The following PDE4B variants were observed in gnomAD, a reference collection of about 807,000 sequenced individuals.
PDE4B encodes phosphodiesterase 4B, also known as 3',5'-cyclic-AMP phosphodiesterase 4B.
A neutral mutation model predicts 82.2 loss-of-function variants in PDE4B; 20 were observed. The ratio of observed to expected loss-of-function variants is 0.24; its 90% CI spans 0.17 to 0.35. The LOEUF (loss-of-function observed/expected upper bound fraction) is 0.35. Ranked by LOEUF, PDE4B falls within the 10% of genes least tolerant of loss-of-function variation. The probability of loss-of-function intolerance (pLI) is 1.00; values close to 1 mark genes in which losing one functional copy is unlikely to be tolerated. For missense variants in PDE4B, 655 were observed against 907.2 expected (o/e 0.72, Z 3.57); for synonymous variants, 320 against 318.9 (o/e 1.00, Z -0.04).
intron 3 of PDE4B, among the ~76,000 whole-genome samples, chr1:66,065,345 A>T (rs576579316): frequency 3.3e-5 from 5 of 151,934 alleles, no homozygotes; most frequent in Non-Finnish European, 7.4e-5. Flanking sequence ...TTTCAGAAAC[A>T]TTAACATGTA....
At chr1:66,096,351 A>G (rs1469842240) in intron 3 of PDE4B, among the ~76,000 whole-genome samples, 1 of 151,280 alleles carries the variant, frequency 6.6e-6, no homozygotes, top group African/African-American at 2.4e-5. Context: ...ATCAACTTTA[A>G]ATGTACAATT....
chr1:66,014,762 G>C (rs1313058799), intron 3 of PDE4B, among the ~76,000 whole-genome samples: 2 of 152,132 alleles, frequency 1.3e-5, no homozygotes, highest in Non-Finnish European at 2.9e-5. Context: ...CTTGGGGTGG[G>C]AGTGGGGGTA....
At chr1:66,070,329 C>T (rs72667460) in intron 3 of PDE4B, among the ~76,000 whole-genome samples, 5,637 of 151,370 alleles carry the variant, frequency 0.037, 147 homozygotes, top group Non-Finnish European at 0.054. Context: ...TAGTCTGTAA[C>T]TATATGGAGG....
intron 3 of PDE4B, among the ~76,000 whole-genome samples, chr1:66,160,045 G>A (rs1469703172): frequency 6.6e-6 from 1 of 152,204 alleles, no homozygotes; most frequent in African/African-American, 2.4e-5. Flanking sequence ...CTGGCCAGAG[G>A]AGTTGTCTGG....
intron 3 of PDE4B, among the ~76,000 whole-genome samples, chr1:66,204,385 G>T (rs1036644839): frequency 1.3e-5 from 2 of 152,250 alleles, no homozygotes; most frequent in African/African-American, 4.8e-5. Flanking sequence ...GTCAGACAGG[G>T]ACGTTTAAGT....
Position 65,913,289 on chromosome 1 carries a change from A to T in PDE4B, c.-26A>T. 1 of 1,605,940 alleles carries T rather than the reference A, an allele frequency of 6.2e-7. No individual in the cohort carries two copies. Among genetic ancestry groups the T allele is most frequent in the South Asian group, 1.1e-5 (1 of 90,896 alleles). On this transcript the variant is annotated 5_prime_UTR_variant, in exon 2 of 17. Transcript: ENST00000341517. Reference sequence around the variant, plus strand: ...AACTGCATTGAATAACAGACATCCTAAGAGGGGATATTTTCCACCTCTATA... The same window carrying T: ...AACTGCATTGAATAACAGACATCCTTAGAGGGGATATTTTCCACCTCTATA...
Position 66,143,143 on chromosome 1 carries a change from C to T in PDE4B, c.282-104317C>T, listed in dbSNP as rs149725481. ...TAGTTCAAAAGATGCTTATGAAGGA[C>T]TTCTCTTTTGCTAGACACTGAACTG... On this transcript the variant is annotated intron_variant, in intron 3 of 16. Transcript: ENST00000341517. Among the ~76,000 whole-genome samples the T allele has an allele frequency of 1.8e-4, 27 of 152,308 alleles. No individual in the cohort carries two copies. In the East Asian group the frequency reaches 3.3e-3, roughly 18 times the overall value.
At chr1:66,170,611 A>G (rs560357407) in intron 3 of PDE4B, among the ~76,000 whole-genome samples, 3 of 152,336 alleles carry the variant, frequency 2.0e-5, no homozygotes, top group African/African-American at 4.8e-5. Flanking sequence ...AACTACTCCT[A>G]GATATATATT....
chr1:66,286,892 G>GC (rs932542481), intron 7 of PDE4B, among the ~76,000 whole-genome samples: 76 of 151,998 alleles, frequency 5.0e-4, no homozygotes, highest in South Asian at 4.1e-4. Context: ...GCTAATGTAT[G>GC]CCCCCCCATG....
intron 3 of PDE4B, among the ~76,000 whole-genome samples, chr1:66,241,270 C>T (rs1469125355): frequency 1.1e-4 from 16 of 152,180 alleles, no homozygotes; most frequent in Non-Finnish European, 1.5e-5. Context: ...GTGTTTTTCA[C>T]AGCTTAGTCC....
chr1:66,143,770 A>G (rs1263979751), intron 3 of PDE4B, among the ~76,000 whole-genome samples: 1 of 152,224 alleles, frequency 6.6e-6, no homozygotes, highest in Non-Finnish European at 1.5e-5. Flanking sequence ...TGAAAAGGAG[A>G]AAGACACAGC....
At chr1:66,157,539 C>T (rs1460948913) in intron 3 of PDE4B, among the ~76,000 whole-genome samples, 1 of 152,170 alleles carries the variant, frequency 6.6e-6, no homozygotes, top group African/African-American at 2.4e-5. Context: ...TTTTCCTCTA[C>T]CAGACCTTCT....
intron 1 of PDE4B, among the ~76,000 whole-genome samples, chr1:65,806,087 A>G (rs552615947): frequency 3.9e-5 from 6 of 152,268 alleles, no homozygotes; most frequent in African/African-American, 1.4e-4. Flanking sequence ...TCTCAGATCA[A>G]CATGCACCTT....
chr1:66,270,042 T>C (rs1273526259), intron 7 of PDE4B, among the ~76,000 whole-genome samples: 2 of 152,174 alleles, frequency 1.3e-5, no homozygotes, highest in Admixed American at 6.5e-5. Flanking sequence ...CACAGAAGTC[T>C]ATGGGTCACT....
chr1:65,842,875 T>C (rs1646224481), intron 1 of PDE4B, among the ~76,000 whole-genome samples: 1 of 152,144 alleles, frequency 6.6e-6, no homozygotes, highest in South Asian at 2.1e-4. Context: ...GAAGAGACAT[T>C]GACATTCTCA....
At chr1:66,075,492 A>G (rs941801208) in intron 3 of PDE4B, among the ~76,000 whole-genome samples, 7 of 152,108 alleles carry the variant, frequency 4.6e-5, no homozygotes, top group African/African-American at 1.4e-4. Context: ...AAAGGTTCTC[A>G]GGGCCTTTAT....
At chr1:65,827,780 A>G (rs574421918) in intron 1 of PDE4B, among the ~76,000 whole-genome samples, 3 of 152,334 alleles carry the variant, frequency 2.0e-5, no homozygotes, top group Admixed American at 1.3e-4. Flanking sequence ...AACGACACCA[A>G]ATTATAGATC....
At chr1:66,150,597 C>A (rs920728222) in intron 3 of PDE4B, among the ~76,000 whole-genome samples, 2 of 152,178 alleles carry the variant, frequency 1.3e-5, no homozygotes, top group Non-Finnish European at 2.9e-5. Flanking sequence ...CAAGAGCAGA[C>A]AGCCTCGTTT....
intron 3 of PDE4B, among the ~76,000 whole-genome samples, chr1:65,969,338 T>A (rs1238528202): frequency 6.6e-6 from 1 of 152,138 alleles, no homozygotes. Flanking sequence ...CAGTTATAAA[T>A]CACTGGCTAG....
Sources: allele counts gnomAD v4.1 joint callset (sites outside exome capture counted in the v4.1 genomes callset), GRCh38; gene constraint gnomAD v4.1.1; transcripts MANE v1.5; gene names NCBI Gene and HGNC (gene_info 2026-07-23, HGNC 2026-07-21).